Variants in MAML2 observed in about 807,000 individuals in gnomAD.
The protein encoded by MAML2 is mastermind-like protein 2.
Under a neutral mutation model 96.1 loss-of-function variants are expected in MAML2, and 22 were observed. That is an observed-to-expected ratio of 0.23 (90% CI 0.16 to 0.33). The LOEUF is 0.33. Among genes scored for constraint, MAML2 ranks in the 10% least tolerant of loss-of-function variants. The probability of loss-of-function intolerance (pLI) is 1.00; values close to 1 mark genes in which losing one functional copy is unlikely to be tolerated. For synonymous variants in MAML2, 561 were observed against 521.3 expected, an observed-to-expected ratio of 1.08 and a Z score of -1.04; for missense variants, 1,367 against 1,392.4, an observed-to-expected ratio of 0.98 and a Z score of 0.29.
At chr11:96,134,848 T>A (rs1860601895) in intron 1 of MAML2, among the ~76,000 whole-genome samples, 1 of 152,180 alleles carries the variant, frequency 6.6e-6, no homozygotes, top group Non-Finnish European at 1.5e-5. Flanking sequence ...ATTAGGAGAA[T>A]AAACCAAACT....
At chr11:96,040,238 A>C (rs1162595313) in intron 2 of MAML2, among the ~76,000 whole-genome samples, 1 of 152,222 alleles carries the variant, frequency 6.6e-6, no homozygotes, top group Non-Finnish European at 1.5e-5. Context: ...GAAATAATAT[A>C]ATAAATGTCA....
intron 2 of MAML2, among the ~76,000 whole-genome samples, chr11:96,020,454 G>A (rs1446354102): frequency 1.3e-5 from 2 of 152,162 alleles, no homozygotes; most frequent in Non-Finnish European, 2.9e-5. Context: ...TCTCAGCTAG[G>A]TCAGGACTTT....
At chr11:96,340,315 C>G (rs909155667) in intron 1 of MAML2, among the ~76,000 whole-genome samples, 1 of 152,218 alleles carries the variant, frequency 6.6e-6, no homozygotes, top group African/African-American at 2.4e-5. Context: ...TAGGGCTGAC[C>G]TGGGTAAACT....
chr11:96,002,286 A>G (rs1858090327), intron 2 of MAML2, among the ~76,000 whole-genome samples: 1 of 152,220 alleles, frequency 6.6e-6, no homozygotes, highest in African/African-American at 2.4e-5. Context: ...AATGTGAAGG[A>G]AAAAATGAGG....
chr11:96,061,426 G>A (rs935011898), intron 2 of MAML2, among the ~76,000 whole-genome samples: 1 of 152,196 alleles, frequency 6.6e-6, no homozygotes, highest in African/African-American at 2.4e-5. Flanking sequence ...TGCAATGCAG[G>A]TTCCTTTTTC....
chr11:96,287,525 A>G (rs779889584), intron 1 of MAML2, among the ~76,000 whole-genome samples: 1 of 152,242 alleles, frequency 6.6e-6, no homozygotes, highest in Non-Finnish European at 1.5e-5. Context: ...AAAATAAACT[A>G]AGAAAATTTA....
At position 95,988,113 on chromosome 11, in the gene MAML2, ATGTG is replaced by A. The variant is rs141507951; in HGVS notation, c.2344-2475_2344-2472del. On this transcript the variant is annotated intron_variant, in intron 3 of 4. Coordinates refer to ENST00000524717, the MANE Select transcript of MAML2 (RefSeq NM_032427.4). Reference sequence around the variant, plus strand: ...TTCTACCGTTTATACTGAAGACAGGATGTGTGTGTGTGTGTGTGTGTGTGTGTGT... The same window carrying A: ...TTCTACCGTTTATACTGAAGACAGGATGTGTGTGTGTGTGTGTGTGTGTGT... 7.4e-4 allele frequency among the ~76,000 whole-genome samples: 108 copies of A among 145,450 alleles called. 1 individual carries two copies. The highest frequency in any genetic ancestry group is 2.5e-3 in the South Asian group (11 of 4,486).
At chr11:95,988,781 A>T (rs1857867146) in intron 3 of MAML2, among the ~76,000 whole-genome samples, 1 of 152,078 alleles carries the variant, frequency 6.6e-6, no homozygotes, top group East Asian at 1.9e-4. Flanking sequence ...AAAGACTGAC[A>T]TTCCTATTCT....
intron 2 of MAML2, among the ~76,000 whole-genome samples, chr11:96,005,286 T>C (rs1858160901): frequency 1.3e-5 from 2 of 152,258 alleles, no homozygotes; most frequent in African/African-American, 4.8e-5. Flanking sequence ...TACTGACATT[T>C]AATTGATTCT....
chr11:96,286,176 G>A (rs1450920809), intron 1 of MAML2, among the ~76,000 whole-genome samples: 1 of 152,198 alleles, frequency 6.6e-6, no homozygotes, highest in Non-Finnish European at 1.5e-5. Context: ...CCTTTGCCGG[G>A]ACATGGATGG....
chr11:96,123,301 G>T (rs1841713750), intron 1 of MAML2, among the ~76,000 whole-genome samples: 1 of 149,790 alleles, frequency 6.7e-6, no homozygotes, highest in African/African-American at 2.4e-5. Context: ...GACATTTACA[G>T]TCTTTTTTTT....
At chr11:96,088,577 C>T (rs1375042124) in intron 2 of MAML2, among the ~76,000 whole-genome samples, 2 of 152,100 alleles carry the variant, frequency 1.3e-5, no homozygotes, top group Non-Finnish European at 2.9e-5. Context: ...AAAATTATAG[C>T]CAAGAGGTAT....
chr11:96,324,287 A>G (rs1355603191), intron 1 of MAML2, among the ~76,000 whole-genome samples: 2 of 152,242 alleles, frequency 1.3e-5, no homozygotes, highest in African/African-American at 4.8e-5. Flanking sequence ...AAATGGGAAT[A>G]AGATAGTACC....
chr11:96,123,743 A>G (rs1050105865), intron 1 of MAML2, among the ~76,000 whole-genome samples: 2 of 152,072 alleles, frequency 1.3e-5, no homozygotes, highest in Non-Finnish European at 2.9e-5. Flanking sequence ...ACAGATGGGG[A>G]AGGGAGGGAG....
At chr11:96,115,617 G>A (rs1860222301) in intron 1 of MAML2, among the ~76,000 whole-genome samples, 1 of 152,088 alleles carries the variant, frequency 6.6e-6, no homozygotes, top group Admixed American at 6.5e-5. Context: ...GAATACCTCT[G>A]TGCTGGGCTC....
At position 96,303,856 on chromosome 11, in the gene MAML2, C is replaced by T. The variant is rs1863426076; in HGVS notation, c.513+37527G>A. Among the ~76,000 whole-genome samples the T allele has an allele frequency of 2.0e-5, 3 of 152,156 alleles. No individual in the cohort carries two copies. The South Asian group carries it at 6.2e-4, about 31-fold the overall frequency. ...CCAAGGCTGCCAGAGCTGACACATTCCCTATCCCCCTTATCCTCTCTCCAG... is the reference window on the plus strand; with the variant it reads ...CCAAGGCTGCCAGAGCTGACACATTTCCTATCCCCCTTATCCTCTCTCCAG... On this transcript the variant is annotated intron_variant, in intron 1 of 4. Coordinates refer to ENST00000524717, the MANE Select transcript of MAML2 (RefSeq NM_032427.4).
intron 1 of MAML2, among the ~76,000 whole-genome samples, chr11:96,116,600 C>T (rs1860246736): frequency 2.0e-5 from 3 of 152,148 alleles, no homozygotes; most frequent in South Asian, 4.1e-4. Flanking sequence ...GCCACTGGGA[C>T]ATATGGAGCT....
At chr11:96,337,853 C>T (rs1018960240) in intron 1 of MAML2, among the ~76,000 whole-genome samples, 8 of 152,208 alleles carry the variant, frequency 5.3e-5, no homozygotes, top group East Asian at 3.8e-4. Context: ...CAGAAAAACA[C>T]GCTCATTTGC....
At chr11:96,335,360 G>A (rs1368940468) in intron 1 of MAML2, among the ~76,000 whole-genome samples, 1 of 152,198 alleles carries the variant, frequency 6.6e-6, no homozygotes, top group Admixed American at 6.5e-5. Context: ...CACATCAAGA[G>A]AGTATAAACA....
Sources: gnomAD v4.1 joint callset for allele counts (sites outside exome capture counted in the v4.1 genomes callset) on GRCh38, gnomAD v4.1.1 for gene constraint, MANE v1.5 for transcripts, NCBI Gene and HGNC (gene_info 2026-07-23, HGNC 2026-07-21) for gene names.